Variants in IGSF21 observed in about 807,000 individuals in gnomAD.
IGSF21 encodes the protein immunoglobin superfamily member 21, also known as immunoglobulin superfamily member 21.
In IGSF21, 28 loss-of-function variants were observed where a neutral mutation model predicts 46.8. That is an observed-to-expected ratio of 0.60 (90% CI 0.44 to 0.82). IGSF21 has a LOEUF of 0.82. Ranked by LOEUF, IGSF21 falls within the 40% of genes least tolerant of loss-of-function variation. IGSF21 has a pLI of 0.00. For synonymous variants in IGSF21, 284 were observed against 273.6 expected (o/e 1.04, Z -0.38); for missense variants, 624 against 665.5 (o/e 0.94, Z 0.69).
chr1:18,219,380 G>A (rs1052642115), intron 1 of IGSF21, among the ~76,000 whole-genome samples: 7 of 152,146 alleles, frequency 4.6e-5, no homozygotes, highest in Admixed American at 3.9e-4. Context: ...GGCCAGCAGC[G>A]TTCATTGTGA....
At chr1:18,267,531 T>C (rs1470238528) in intron 2 of IGSF21, among the ~76,000 whole-genome samples, 1 of 152,150 alleles carries the variant, frequency 6.6e-6, no homozygotes, top group Non-Finnish European at 1.5e-5. Flanking sequence ...AAGACATTTC[T>C]AGGCTCAGAG....
chr1:18,239,535 T>C (rs2084705257), intron 2 of IGSF21, among the ~76,000 whole-genome samples: 1 of 152,202 alleles, frequency 6.6e-6, no homozygotes, highest in Admixed American at 6.5e-5. Context: ...TTCTTCTTGA[T>C]TCAACCTCTG....
At chr1:18,363,661 A>C (rs2086127690) in intron 5 of IGSF21, among the ~76,000 whole-genome samples, 2 of 131,170 alleles carry the variant, frequency 1.5e-5, no homozygotes, top group Admixed American at 7.6e-5. Flanking sequence ...AGATGGAGCA[A>C]TGGGCAGGGG....
chr1:18,233,123 T>C (rs1193890963), intron 2 of IGSF21, among the ~76,000 whole-genome samples: 1 of 152,208 alleles, frequency 6.6e-6, no homozygotes, highest in Non-Finnish European at 1.5e-5. Context: ...TCTCTCCTTC[T>C]TTTACAATTT....
At chr1:18,353,717 T>A (rs2085984561) in intron 4 of IGSF21, among the ~76,000 whole-genome samples, 1 of 152,196 alleles carries the variant, frequency 6.6e-6, no homozygotes, top group Non-Finnish European at 1.5e-5. Context: ...CAGGGGAAGC[T>A]GCACATGCAA....
At chr1:18,125,889 C>T (rs1052876970) in intron 1 of IGSF21, among the ~76,000 whole-genome samples, 4 of 152,212 alleles carry the variant, frequency 2.6e-5, no homozygotes, top group Non-Finnish European at 4.4e-5. Context: ...CTGCGCAGGC[C>T]TTGGGGCTGC....
At chr1:18,207,104 T>A (rs1418518111) in intron 1 of IGSF21, among the ~76,000 whole-genome samples, 42 of 152,206 alleles carry the variant, frequency 2.8e-4, no homozygotes, top group Admixed American at 2.7e-3. Flanking sequence ...TCCTTGTGGG[T>A]GTAGGACTGA....
At chr1:18,151,913 C>G (rs2086525083) in intron 1 of IGSF21, among the ~76,000 whole-genome samples, 1 of 152,114 alleles carries the variant, frequency 6.6e-6, no homozygotes, top group Non-Finnish European at 1.5e-5. Flanking sequence ...AATGATTATC[C>G]TCTGAACACT....
intron 2 of IGSF21, 42 bp from the exon 3 acceptor site, chr1:18,291,824 G>T (rs771891515): frequency 6.2e-7 from 1 of 1,607,018 alleles, no homozygotes; most frequent in Non-Finnish European, 8.5e-7. Flanking sequence ...GACCAGGGCC[G>T]GTTGAGCACT....
At chr1:18,299,597 C>G (rs1027724104) in intron 3 of IGSF21, among the ~76,000 whole-genome samples, 8 of 152,182 alleles carry the variant, frequency 5.3e-5, no homozygotes, top group Admixed American at 2.6e-4. Flanking sequence ...TCAGCAAACA[C>G]ACGTTGTTGT....
chr1:18,169,771 G>C (rs902436252), intron 1 of IGSF21, among the ~76,000 whole-genome samples: 5 of 152,190 alleles, frequency 3.3e-5, no homozygotes, highest in African/African-American at 1.2e-4. Context: ...GGGGTGCGGG[G>C]AAGGACTGTC....
chr1:18,144,931 A>G (rs1230431745), intron 1 of IGSF21, among the ~76,000 whole-genome samples: 1 of 152,124 alleles, frequency 6.6e-6, no homozygotes, highest in Non-Finnish European at 1.5e-5. Flanking sequence ...TTCCCTGATG[A>G]GTGATTATGA....
At chr1:18,176,354 G>A (rs1448010662) in intron 1 of IGSF21, among the ~76,000 whole-genome samples, 2 of 152,206 alleles carry the variant, frequency 1.3e-5, no homozygotes, top group African/African-American at 4.8e-5. Context: ...CAAAGTTAAG[G>A]AACGATCACA....
intron 1 of IGSF21, among the ~76,000 whole-genome samples, chr1:18,138,373 A>G (rs1297520076): frequency 6.6e-6 from 1 of 152,124 alleles, no homozygotes; most frequent in Non-Finnish European, 1.5e-5. Context: ...TTGCTTGATC[A>G]CTTGCTTCTT....
chr1:18,340,341 G>A (rs568703033), intron 4 of IGSF21, among the ~76,000 whole-genome samples: 2 of 152,266 alleles, frequency 1.3e-5, no homozygotes, highest in African/African-American at 2.4e-5. Flanking sequence ...GCAATGTCAG[G>A]AAAAACCCAT....
intron 2 of IGSF21, among the ~76,000 whole-genome samples, chr1:18,240,482 A>G (rs1043581807): frequency 6.6e-6 from 1 of 152,188 alleles, no homozygotes; most frequent in Admixed American, 6.5e-5. Context: ...ATGAACTGTA[A>G]TAGTTGAATG....
At chr1:18,124,183 G>A (rs369515655) in intron 1 of IGSF21, among the ~76,000 whole-genome samples, 1 of 152,186 alleles carries the variant, frequency 6.6e-6, no homozygotes, top group Non-Finnish European at 1.5e-5. Flanking sequence ...AGCCAAAATA[G>A]GGGTGTGGCC....
At chr1:18,374,798 G>T (rs2086263953) in intron 6 of IGSF21, among the ~76,000 whole-genome samples, 1 of 152,208 alleles carries the variant, frequency 6.6e-6, no homozygotes, top group Admixed American at 6.5e-5. Flanking sequence ...CCGGGGACCA[G>T]CAAGGAAAGG....
At chr1:18,324,036 C>T (rs2085632720) in intron 3 of IGSF21, among the ~76,000 whole-genome samples, 1 of 152,220 alleles carries the variant, frequency 6.6e-6, no homozygotes, top group African/African-American at 2.4e-5. Flanking sequence ...TCCCACTCCC[C>T]CATCCCACTC....
Sources: gnomAD v4.1 joint callset for allele counts (sites outside exome capture counted in the v4.1 genomes callset) on GRCh38, gnomAD v4.1.1 for gene constraint, MANE v1.5 for transcripts, NCBI Gene and HGNC (gene_info 2026-07-23, HGNC 2026-07-21) for gene names.